TNRC18: variants seen among roughly 807,000 people sequenced by gnomAD.
TNRC18 encodes trinucleotide repeat containing 18.
TNRC18 carries 69 observed loss-of-function variants against 226.7 expected under a neutral mutation model. That is an observed-to-expected ratio of 0.30 (90% CI 0.25 to 0.37). The LOEUF (loss-of-function observed/expected upper bound fraction) is 0.37. TNRC18 is among the 10% of genes least tolerant of loss of function. The pLI, the probability that TNRC18 is intolerant of heterozygous loss-of-function variation, is 1.00. For missense variants in TNRC18, 4,754 were observed against 4,256.6 expected (o/e 1.12, Z -3.25); for synonymous variants, 2,449 against 1,927.6 (o/e 1.27, Z -7.09).
At position 5,391,853 on chromosome 7, in the gene TNRC18, A is replaced by ATTTTT. The variant is rs147029942; in HGVS notation, c.344-1226_344-1225insAAAAA. ...CTCTATTTAAAAAAAAAAAAAAAAAATTTAAATAGTTTTTTTTTTTTAAAG... is the reference window on the plus strand; with the variant it reads ...CTCTATTTAAAAAAAAAAAAAAAAAATTTTTTTTAAATAGTTTTTTTTTTTTAAAG... On this transcript the variant is annotated intron_variant, in intron 3 of 29. Transcript: ENST00000430969. Among the ~76,000 whole-genome samples the ATTTTT allele has an allele frequency of 1.6e-3, 210 of 130,900 alleles. 2 individuals are homozygous for ATTTTT. Among genetic ancestry groups the ATTTTT allele is most frequent in the Admixed American group, 3.0e-3 (37 of 12,460 alleles). The allele number at this position is 130,900 out of a possible 152,430, so 85.9% of individuals were successfully genotyped here.
chr7:5,357,507 G>C (rs1792571593), intron 15 of TNRC18, among the ~76,000 whole-genome samples: 1 of 152,092 alleles, frequency 6.6e-6, no homozygotes, highest in Non-Finnish European at 1.5e-5. Context: ...CACCTCCCAG[G>C]TCCAAGCATT....
chr7:5,347,954 A>G lies in TNRC18; in HGVS notation c.5471-2144T>C, dbSNP rs530033855. 2.7e-4 allele frequency among the ~76,000 whole-genome samples: 41 copies of G among 152,290 alleles called. No homozygotes were observed. In the South Asian group the frequency reaches 5.2e-3, roughly 19 times the overall value. On this transcript the variant is annotated intron_variant, in intron 17 of 29. Coordinates refer to ENST00000430969, the MANE Select transcript of TNRC18 (RefSeq NM_001080495.3). Reference sequence around the variant, plus strand: ...GGTGACAGAGCAAGACTCCGTCTCAAAAAATAATAATAAGTAATAAAAACT... The same window carrying G: ...GGTGACAGAGCAAGACTCCGTCTCAGAAAATAATAATAAGTAATAAAAACT...
At chr7:5,420,835 G>C (rs921082863) in intron 2 of TNRC18, 1 of 718,110 alleles carries the variant, frequency 1.4e-6, no homozygotes, top group African/African-American at 1.8e-5. Flanking sequence ...TTCGGCTCAC[G>C]AGGGCCAAGC....
At chr7:5,373,972 G>T in intron 10 of TNRC18, 83 bp downstream of exon 10, 1 of 1,151,120 alleles carries the variant, frequency 8.7e-7, no homozygotes, top group Non-Finnish European at 1.2e-6. Flanking sequence ...ACGAACGATC[G>T]AACGGGTCAA....
chr7:5,379,446 AT>A (rs1439326960), intron 5 of TNRC18, among the ~76,000 whole-genome samples: 2 of 151,904 alleles, frequency 1.3e-5, no homozygotes, highest in African/African-American at 2.4e-5. Context: ...AAAGAACATT[AT>A]CCACTTGGGT....
chr7:5,373,612 C>A (rs1180377700), intron 10 of TNRC18, among the ~76,000 whole-genome samples: 1 of 152,188 alleles, frequency 6.6e-6, no homozygotes, highest in Non-Finnish European at 1.5e-5. Flanking sequence ...CAGTCCCAGC[C>A]CCCAAAGCCA....
chr7:5,412,546 A>T (rs564720896), intron 2 of TNRC18, among the ~76,000 whole-genome samples: 38 of 152,280 alleles, frequency 2.5e-4, no homozygotes, highest in South Asian at 6.2e-4. Context: ...ACCGCACCCC[A>T]GCCTGGGAGA....
chr7:5,352,378 C>T lies in TNRC18; in HGVS notation c.5195-284G>A, dbSNP rs535877771. On this transcript the variant is annotated intron_variant, in intron 16 of 29. Coordinates refer to ENST00000430969, the MANE Select transcript of TNRC18 (RefSeq NM_001080495.3). ...TGCTGCCAGCCTCACCCACCAGTCA[C>T]TCCAGGCTTTCCGGGCACCGGAGGA... Among the ~76,000 whole-genome samples, 23 of 152,300 alleles carry T rather than the reference C, an allele frequency of 1.5e-4. No homozygotes were observed. In the South Asian group the frequency reaches 4.8e-3, roughly 32 times the overall value.
At position 5,394,540 on chromosome 7, in the gene TNRC18, G is replaced by A. The variant is rs1172647221; in HGVS notation, c.243C>T (p.Ser81=). 5.8e-6 allele frequency: 9 copies of A among 1,551,396 alleles called. No individual in the cohort carries two copies. Among genetic ancestry groups the A allele is most frequent in the Admixed American group, 2.0e-5 (1 of 48,948 alleles). The change falls in exon 3 of 30, where the codon TCC becomes TCT. Residue 81 remains serine, a synonymous_variant. Coordinates refer to ENST00000430969, the MANE Select transcript of TNRC18 (RefSeq NM_001080495.3). The surrounding 1 kb of genome is among the most constrained non-coding windows in gnomAD (Gnocchi z 4.5). The stretch of plus-strand genomic sequence containing the variant: ...AGGGCAGTGGCACTGGGCTCCCATG[G>A]GACGAGGCCGAGGGCCCCATCCCGC... ...VASGMGPSAS[S]HGSPVPLPSD...
chr7:5,409,122 C>G (rs1464399130), intron 2 of TNRC18, among the ~76,000 whole-genome samples: 1 of 151,740 alleles, frequency 6.6e-6, no homozygotes, highest in Non-Finnish European at 1.5e-5. Flanking sequence ...CAATGGCCAA[C>G]AAGCCCCACC....
Position 5,378,031 on chromosome 7 carries a change from G to T in TNRC18, c.2153-7C>A, listed in dbSNP as rs1583984478. 2.5e-6 allele frequency: 4 copies of T among 1,606,156 alleles called. No individual in the cohort carries two copies. The East Asian group carries it at 8.9e-5, about 36-fold the overall frequency. ...TCATCTGCTCGGCCGTGCCCTGCAG[G>T]GGGCCAGGTGGAAGTGAGCCCCCAG... On this transcript the variant is annotated splice_polypyrimidine_tract_variant and splice_region_variant and intron_variant, in intron 5 of 29. Coordinates refer to ENST00000430969, the MANE Select transcript of TNRC18 (RefSeq NM_001080495.3).
At chr7:5,368,310 T>TA (rs11459979) in intron 11 of TNRC18, among the ~76,000 whole-genome samples, 77,906 of 141,082 alleles carry the variant, frequency 0.55, 21,001 homozygotes, top group South Asian at 0.66. Flanking sequence ...CTACTTTTTG[T>TA]AAAAAAAAAA....
In TNRC18 at chr7:5,322,283, A is replaced by AATCATCATCATC. The variant is rs60369027; in HGVS notation, c.6443-1105_6443-1094dup. On this transcript the variant is annotated intron_variant, in intron 21 of 29. Transcript: ENST00000430969. ...ACAGAGAGTCAGATTCCGTCTCAATAATCATCATCATCATCATCATCATCA... is the reference window on the plus strand; with the variant it reads ...ACAGAGAGTCAGATTCCGTCTCAATAATCATCATCATCATCATCATCATCATCATCATCATCA... Among the ~76,000 whole-genome samples, 845 of 149,492 alleles carry AATCATCATCATC rather than the reference A, an allele frequency of 5.7e-3. 6 individuals are homozygous for AATCATCATCATC. Among genetic ancestry groups the AATCATCATCATC allele is most frequent in the East Asian group, 0.033 (160 of 4,874 alleles).
At chr7:5,375,413 C>T (rs957715608) in intron 9 of TNRC18, among the ~76,000 whole-genome samples, 2 of 152,222 alleles carry the variant, frequency 1.3e-5, no homozygotes, top group African/African-American at 4.8e-5. Flanking sequence ...AACCCAAGGA[C>T]TAGGCAACGC....
chr7:5,391,368 G>A (rs1355006516), intron 3 of TNRC18, among the ~76,000 whole-genome samples: 1 of 151,632 alleles, frequency 6.6e-6, no homozygotes, highest in East Asian at 1.9e-4. Context: ...CTGGAGTGCA[G>A]TGGCAGGATC....
chr7:5,374,170 G>A lies in TNRC18; in HGVS notation c.3114C>T (p.Ser1038=), dbSNP rs1794410498. The change falls in exon 10 of 30, where the codon TCC becomes TCT. Residue 1038 remains serine, a synonymous_variant. Transcript: ENST00000430969. ...SSHPTSPPPA[S]PPPTPGITRK... ...GGGTGATACCCGGGGTGGGCGGTGG[G>A]GAGGCGGGCGGCGGGCTGGTGGGGT... is the stretch of plus-strand genomic sequence containing the variant. 6.9e-7 allele frequency: 1 copy of A among 1,445,348 alleles called. No individual in the cohort carries two copies. The allele number at this position is 1,445,348 out of a possible 1,614,324, so 89.5% of individuals were successfully genotyped here.
At chr7:5,325,940 C>T (rs1424114901) in intron 19 of TNRC18, among the ~76,000 whole-genome samples, 2 of 151,450 alleles carry the variant, frequency 1.3e-5, no homozygotes. Context: ...TGCTATGTTG[C>T]CCAGGCTGGT....
Position 5,312,628 on chromosome 7 carries a change from C to A in TNRC18, c.8263G>T (p.Val2755Phe). The A allele has an allele frequency of 6.2e-7, 1 of 1,610,230 alleles. No individual in the cohort carries two copies. Among genetic ancestry groups the A allele is most frequent in the Non-Finnish European group, 8.5e-7 (1 of 1,179,134 alleles). Residue 2755 changes from valine (V) to phenylalanine (F), a missense_variant, in exon 27 of 30, where the codon GTC becomes TTC. Transcript: ENST00000430969. This position sits in a 1 kb window ranked among gnomAD's most constrained non-coding sequence, Gnocchi z 6.3. ...AGCTCCTTGGTGGTGGGGAGGTGGA[C>A]GCCCTCTCTCTTCTTGGGTCGGCTC... ...AKSRPKKREG[V>F]HLPTTKELAK...
At chr7:5,342,407 C>T (rs1343419558) in intron 18 of TNRC18, among the ~76,000 whole-genome samples, 1 of 147,180 alleles carries the variant, frequency 6.8e-6, no homozygotes, top group Non-Finnish European at 1.5e-5. Flanking sequence ...CCAGCCTGGG[C>T]GACACAGCGA....
Sources: allele counts gnomAD v4.1 joint callset (sites outside exome capture counted in the v4.1 genomes callset), GRCh38; gene constraint gnomAD v4.1.1; non-coding constraint Gnocchi (gnomAD v3.1); transcripts MANE v1.5; gene names NCBI Gene and HGNC (gene_info 2026-07-23, HGNC 2026-07-21).